ADAMTS16: variants seen among roughly 807,000 people sequenced by gnomAD.
ADAMTS16 encodes A disintegrin and metalloproteinase with thrombospondin motifs 16.
A neutral mutation model predicts 145.8 loss-of-function variants in ADAMTS16; 94 were observed. The observed-to-expected ratio is 0.64, with a 90% CI of 0.55 to 0.77. The LOEUF (loss-of-function observed/expected upper bound fraction) is 0.77. ADAMTS16 is among the 30% of genes least tolerant of loss of function. ADAMTS16 has a pLI of 0.00. For missense variants in ADAMTS16, 1,585 were observed against 1,591.5 expected (o/e 1.00, Z 0.07); for synonymous variants, 659 against 604.3 (o/e 1.09, Z -1.33).
chr5:5,217,811 T>G (rs1284573076), intron 10 of ADAMTS16, among the ~76,000 whole-genome samples: 1 of 152,246 alleles, frequency 6.6e-6, no homozygotes, highest in East Asian at 1.9e-4. Flanking sequence ...TTTTGACTCT[T>G]TTCTGCCCAA....
At chr5:5,285,143 G>A (rs1168917377) in intron 18 of ADAMTS16, among the ~76,000 whole-genome samples, 2 of 152,110 alleles carry the variant, frequency 1.3e-5, no homozygotes, top group East Asian at 3.9e-4. Context: ...TCAGAGAGAT[G>A]TGTTTTTTTA....
intron 17 of ADAMTS16, among the ~76,000 whole-genome samples, chr5:5,254,823 C>T (rs1215728795): frequency 6.6e-6 from 1 of 152,114 alleles, no homozygotes; most frequent in Non-Finnish European, 1.5e-5. Context: ...CACATTAATA[C>T]TCCTAAGTAT....
At chr5:5,318,320 G>T in intron 22 of ADAMTS16, 39 bp downstream of exon 22, 2 of 1,367,032 alleles carry the variant, frequency 1.5e-6, no homozygotes, top group Non-Finnish European at 9.5e-7. Context: ...CTGGGCATGG[G>T]GCTGGAATGT....
intron 3 of ADAMTS16, among the ~76,000 whole-genome samples, chr5:5,158,816 T>G (rs1465014979): frequency 6.6e-6 from 1 of 152,246 alleles, no homozygotes; most frequent in Non-Finnish European, 1.5e-5. Context: ...ATCTACCGCT[T>G]AAGCATAGAG....
chr5:5,195,653 A>T (rs1735780864), intron 8 of ADAMTS16, among the ~76,000 whole-genome samples: 1 of 152,200 alleles, frequency 6.6e-6, no homozygotes, highest in Non-Finnish European at 1.5e-5. Context: ...ACTTGAGACC[A>T]TTGAGGTGCT....
At chr5:5,141,828 C>G (rs1044373305) in intron 2 of ADAMTS16, among the ~76,000 whole-genome samples, 1 of 152,076 alleles carries the variant, frequency 6.6e-6, no homozygotes, top group African/African-American at 2.4e-5. Context: ...GTCAGATTGA[C>G]GCTCACCATA....
intron 21 of ADAMTS16, among the ~76,000 whole-genome samples, chr5:5,311,068 C>T (rs1056077088): frequency 6.6e-6 from 1 of 152,034 alleles, no homozygotes; most frequent in Non-Finnish European, 1.5e-5. Flanking sequence ...GAATCAAGAC[C>T]TCAGGGCCCT....
intron 17 of ADAMTS16, among the ~76,000 whole-genome samples, chr5:5,251,761 C>T (rs1248657716): frequency 6.6e-6 from 1 of 152,238 alleles, no homozygotes; most frequent in East Asian, 1.9e-4. Flanking sequence ...GCAGATTCAG[C>T]ATCACTTGGG....
At chr5:5,143,303 C>A (rs1734213114) in intron 2 of ADAMTS16, among the ~76,000 whole-genome samples, 1 of 152,116 alleles carries the variant, frequency 6.6e-6, no homozygotes, top group Middle Eastern at 3.4e-3. Flanking sequence ...ACAACCCCAT[C>A]AAAAAATGGG....
intron 8 of ADAMTS16, among the ~76,000 whole-genome samples, chr5:5,199,907 G>A (rs1735909597): frequency 2.0e-5 from 3 of 152,142 alleles, no homozygotes; most frequent in Admixed American, 6.5e-5. Context: ...CTATGATATT[G>A]GTGTACACTT....
intron 21 of ADAMTS16, among the ~76,000 whole-genome samples, chr5:5,311,322 A>AAC (rs1561005099): frequency 1.3e-5 from 2 of 151,146 alleles, no homozygotes; most frequent in African/African-American, 4.9e-5. Context: ...AAAAAACAAA[A>AAC]AAACAAAAAA....
At chr5:5,251,960 C>A (rs992236154) in intron 17 of ADAMTS16, among the ~76,000 whole-genome samples, 3 of 152,146 alleles carry the variant, frequency 2.0e-5, no homozygotes, top group Non-Finnish European at 4.4e-5. Flanking sequence ...CCGCCATTCT[C>A]CTGCCGCAGC....
chr5:5,244,221 G>T (rs574884148), intron 17 of ADAMTS16, among the ~76,000 whole-genome samples: 49 of 152,272 alleles, frequency 3.2e-4, no homozygotes, highest in South Asian at 1.9e-3. Flanking sequence ...ATCCTGCAGG[G>T]TTTGAACTAT....
intron 17 of ADAMTS16, among the ~76,000 whole-genome samples, chr5:5,244,684 A>T (rs1737388976): frequency 6.6e-6 from 1 of 152,232 alleles, no homozygotes; most frequent in African/African-American, 2.4e-5. Flanking sequence ...ACTGATGTTC[A>T]CATTCTTTAA....
At chr5:5,237,195 C>T in intron 14 of ADAMTS16, 96 bp downstream of exon 14, 2 of 1,332,412 alleles carry the variant, frequency 1.5e-6, no homozygotes, top group Non-Finnish European at 2.0e-6. Flanking sequence ...ACATATGAGA[C>T]AAGCCTTTCC....
At chr5:5,155,099 C>T (rs1734568516) in intron 3 of ADAMTS16, among the ~76,000 whole-genome samples, 1 of 152,174 alleles carries the variant, frequency 6.6e-6, no homozygotes, top group Admixed American at 6.5e-5. Flanking sequence ...CTTGCTTTGC[C>T]TGAGGTTTAA....
chr5:5,271,666 C>T (rs1738478844), intron 18 of ADAMTS16, among the ~76,000 whole-genome samples: 1 of 152,204 alleles, frequency 6.6e-6, no homozygotes, highest in African/African-American at 2.4e-5. Context: ...AATCACACAC[C>T]TGCCAGGACA....
intron 18 of ADAMTS16, among the ~76,000 whole-genome samples, chr5:5,267,609 G>T (rs1014600308): frequency 1.3e-5 from 2 of 152,082 alleles, no homozygotes; most frequent in African/African-American, 2.4e-5. Context: ...TGTTTCTCTC[G>T]ATGTCAAATC....
chr5:5,313,360 G>T (rs536336995), intron 21 of ADAMTS16, among the ~76,000 whole-genome samples: 21 of 152,294 alleles, frequency 1.4e-4, no homozygotes, highest in African/African-American at 4.3e-4. Flanking sequence ...CTATTATTTG[G>T]TCTGCAGGAT....
Sources: allele counts gnomAD v4.1 joint callset (sites outside exome capture counted in the v4.1 genomes callset), GRCh38; gene constraint gnomAD v4.1.1; transcripts MANE v1.5; gene names NCBI Gene and HGNC (gene_info 2026-07-23, HGNC 2026-07-21).